DGUOK: variants seen among roughly 807,000 people sequenced by gnomAD.
DGUOK encodes the protein deoxyguanosine kinase, mitochondrial.
In DGUOK, 30 loss-of-function variants were observed where a neutral mutation model predicts 36.6. That is an observed-to-expected ratio of 0.82 (90% CI 0.61 to 1.11). The LOEUF is 1.11. Ranked by LOEUF, DGUOK falls within the 50% of genes most tolerant of loss-of-function variation. DGUOK has a pLI of 0.00. For missense variants in DGUOK, 361 were observed against 336.4 expected (o/e 1.07, Z -0.57); for synonymous variants, 145 against 126.3 (o/e 1.15, Z -0.99).
In DGUOK at chr2:73,926,938, C is replaced by T. The variant is rs1261020106; in HGVS notation, c.28C>T (p.Arg10Trp). The change falls in exon 1 of 7, where the codon CGG becomes TGG. Residue 10 changes from arginine (R) to tryptophan (W), a missense_variant. Physicochemically the swap from Arg to Trp is moderately radical, Grantham distance 101. Coordinates refer to ENST00000264093, the MANE Select transcript of DGUOK (RefSeq NM_080916.3). ...GGCCGCGGGCCGCCTCTTTCTAAGT[C>T]GGCTTCGAGCACCCTTCAGTTCCAT... is the stretch of plus-strand genomic sequence containing the variant. MAAGRLFLS[R>W]LRAPFSSMAK... 3 of 1,613,410 alleles carry T rather than the reference C, an allele frequency of 1.9e-6. No individual in the cohort carries two copies. Among genetic ancestry groups the T allele is most frequent in the African/African-American group, 1.3e-5 (1 of 74,940 alleles).
intron 1 of DGUOK, among the ~76,000 whole-genome samples, chr2:73,933,198 G>T (rs554388789): frequency 6.6e-6 from 1 of 152,284 alleles, no homozygotes; most frequent in African/African-American, 2.4e-5. Flanking sequence ...AAGTATAAAT[G>T]ATTGGGCAAA....
At chr2:73,943,327 T>TAAAA (rs879823601) in intron 2 of DGUOK, among the ~76,000 whole-genome samples, 9 of 144,250 alleles carry the variant, frequency 6.2e-5, no homozygotes, top group African/African-American at 2.3e-4. Context: ...TTAAAAATTT[T>TAAAA]TTTTTTTTTT....
chr2:73,935,076 A>AAAT (rs1299599541), intron 1 of DGUOK, among the ~76,000 whole-genome samples: 1 of 97,878 alleles, frequency 1.0e-5, no homozygotes, highest in East Asian at 2.5e-4. Context: ...TCTGTCTCAA[A>AAAT]AATAAATAAA....
chr2:73,926,968 A>G lies in DGUOK; in HGVS notation c.58A>G (p.Lys20Glu). The change falls in exon 1 of 7, where the codon AAG becomes GAG. Residue 20 changes from lysine to glutamate, a missense_variant. Lys to Glu is a moderately conservative substitution (Grantham distance 56). Coordinates refer to ENST00000264093, the MANE Select transcript of DGUOK (RefSeq NM_080916.3). ...RLRAPFSSMA[K>E]SPLEGVSSSR... ...TCGAGCACCCTTCAGTTCCATGGCC[A>G]AGAGCCCACTCGAGGGCGTTTCCTC... 6.2e-7 allele frequency: 1 copy of G among 1,613,222 alleles called. No homozygotes were observed. Among genetic ancestry groups the G allele is most frequent in the Non-Finnish European group, 8.5e-7 (1 of 1,180,036 alleles).
intron 1 of DGUOK, among the ~76,000 whole-genome samples, chr2:73,931,100 C>T (rs910735662): frequency 2.6e-5 from 4 of 151,924 alleles, no homozygotes; most frequent in African/African-American, 9.7e-5. Context: ...CTGGCCGACT[C>T]GACATAATTT....
intron 1 of DGUOK, 134 bp downstream of exon 1, chr2:73,927,186 T>C: frequency 8.0e-7 from 1 of 1,256,862 alleles, no homozygotes; most frequent in Non-Finnish European, 1.1e-6. Context: ...GGAGAGCCTT[T>C]CCCCTCGCAA....
chr2:73,950,733 G>A lies in DGUOK; in HGVS notation c.591+1G>A. On this transcript the variant is annotated splice_donor_variant, in intron 4 of 6. Coordinates refer to ENST00000264093, the MANE Select transcript of DGUOK (RefSeq NM_080916.3). LOFTEE classifies it high-confidence loss of function. ...CATCTACCTCCAGGCTTCTCCCCAG[G>A]TAACACTGAACCTACAACCTTAGAC... The A allele has an allele frequency of 2.5e-6, 4 of 1,614,112 alleles. No individual in the cohort carries two copies. Among genetic ancestry groups the A allele is most frequent in the Non-Finnish European group, 3.4e-6 (4 of 1,180,032 alleles).
chr2:73,946,444 A>T (rs556354056), intron 2 of DGUOK, among the ~76,000 whole-genome samples: 1 of 152,280 alleles, frequency 6.6e-6, no homozygotes, highest in East Asian at 1.9e-4. Flanking sequence ...AATTCTATAT[A>T]TGGTTCTTCC....
At chr2:73,939,621 A>G (rs192375439) in intron 2 of DGUOK, among the ~76,000 whole-genome samples, 47 of 152,366 alleles carry the variant, frequency 3.1e-4, no homozygotes, top group African/African-American at 1.1e-3. Context: ...GAGTAAGGAA[A>G]GACTTGTTTC....
At chr2:73,928,209 C>T (rs934781360) in intron 1 of DGUOK, among the ~76,000 whole-genome samples, 22 of 152,168 alleles carry the variant, frequency 1.4e-4, no homozygotes, top group African/African-American at 5.1e-4. Context: ...CTCACTGCAA[C>T]CTCTGCCTCC....
At chr2:73,941,208 G>A (rs1681878647) in intron 2 of DGUOK, among the ~76,000 whole-genome samples, 1 of 152,162 alleles carries the variant, frequency 6.6e-6, no homozygotes, top group South Asian at 2.1e-4. Flanking sequence ...AGTCTTTTTG[G>A]AATTGGATCT....
At position 73,957,186 on chromosome 2, in the gene DGUOK, A is replaced by T; in HGVS notation, c.653A>T (p.Tyr218Phe). Residue 218 changes from tyrosine (Y) to phenylalanine (F), a missense_variant, in exon 5 of 7, where the codon TAT becomes TTT. Transcript: ENST00000264093. ...REEEKGIELA[Y>F]LEQLHGQHEA... ...GAGGAGAAAGGAATTGAGCTGGCCT[A>T]TCTAGAGCAGCTGCATGGCCAACAC... 1 of 1,614,194 alleles carries T rather than the reference A, an allele frequency of 6.2e-7. No individual in the cohort carries two copies. The highest frequency in any genetic ancestry group is 8.5e-7 in the Non-Finnish European group (1 of 1,180,026).
intron 3 of DGUOK, among the ~76,000 whole-genome samples, chr2:73,947,420 G>T (rs1682415534): frequency 6.6e-6 from 1 of 152,116 alleles, no homozygotes; most frequent in African/African-American, 2.4e-5. Flanking sequence ...TGAGAAACTG[G>T]CTTCTGTCTC....
chr2:73,940,363 A>G (rs138006498), intron 2 of DGUOK, among the ~76,000 whole-genome samples: 59 of 152,332 alleles, frequency 3.9e-4, no homozygotes, highest in African/African-American at 1.3e-3. Flanking sequence ...GATGTAGTCT[A>G]AGTGGGACAG....
chr2:73,927,003 C>T lies in DGUOK; in HGVS notation c.93C>T (p.Gly31=). Reference sequence around the variant, plus strand: ...TCGAGGGCGTTTCCTCCTCCAGAGGCCTGCACGCGGGGCGCGGGCCCCGAA... The same window carrying T: ...TCGAGGGCGTTTCCTCCTCCAGAGGTCTGCACGCGGGGCGCGGGCCCCGAA... ...SPLEGVSSSR[G]LHAGRGPRRL... is the part of the protein sequence containing the mutation. Residue 31 remains glycine (G), a synonymous_variant, in exon 1 of 7, where the codon GGC becomes GGT. Transcript: ENST00000264093. The T allele has an allele frequency of 1.2e-6, 2 of 1,611,906 alleles. No homozygotes were observed. Among genetic ancestry groups the T allele is most frequent in the Non-Finnish European group, 8.5e-7 (1 of 1,180,036 alleles).
intron 1 of DGUOK, among the ~76,000 whole-genome samples, chr2:73,937,273 G>A (rs1681542295): frequency 6.6e-6 from 1 of 152,224 alleles, no homozygotes; most frequent in South Asian, 2.1e-4. Flanking sequence ...TCTGGCCCCG[G>A]ACTGCCCATG....
chr2:73,948,401 G>C (rs187535550), intron 3 of DGUOK, among the ~76,000 whole-genome samples: 111 of 152,336 alleles, frequency 7.3e-4, no homozygotes, highest in African/African-American at 1.8e-3. Context: ...TACACTGTGG[G>C]CATACAACAT....
chr2:73,937,314 T>C (rs2104899178), intron 1 of DGUOK, among the ~76,000 whole-genome samples: 1 of 152,360 alleles, frequency 6.6e-6, no homozygotes, highest in South Asian at 2.1e-4. Flanking sequence ...CACTCCTCCA[T>C]TGCTTGCCCT....
At chr2:73,945,069 C>T (rs1682191740) in intron 2 of DGUOK, among the ~76,000 whole-genome samples, 1 of 152,214 alleles carries the variant, frequency 6.6e-6, no homozygotes, top group South Asian at 2.1e-4. Context: ...GGGCTAAGAC[C>T]CTTCTTTGGA....
Sources: allele counts gnomAD v4.1 joint callset (sites outside exome capture counted in the v4.1 genomes callset), GRCh38; gene constraint gnomAD v4.1.1; transcripts MANE v1.5; gene names NCBI Gene and HGNC (gene_info 2026-07-23, HGNC 2026-07-21).